FAN1: variants seen among roughly 807,000 people sequenced by gnomAD.
The protein encoded by FAN1 is FANCD2 and FANCI associated nuclease 1.
Under a neutral mutation model 104.9 loss-of-function variants are expected in FAN1, and 91 were observed. That is an observed-to-expected ratio of 0.87 (90% confidence interval 0.73 to 1.03). The LOEUF (loss-of-function observed/expected upper bound fraction) is 1.03, where lower values mean the gene tolerates loss of function less well. Ranked by LOEUF, FAN1 falls within the 50% of genes least tolerant of loss-of-function variation. FAN1 has a pLI of 0.00. For missense variants in FAN1, 1,263 were observed against 1,239.9 expected, an observed-to-expected ratio of 1.02 and a Z score of -0.28; for synonymous variants, 478 against 457.6, an observed-to-expected ratio of 1.04 and a Z score of -0.57.
intron 6 of FAN1, among the ~76,000 whole-genome samples, chr15:30,919,183 C>T (rs2062258070): frequency 6.6e-6 from 1 of 151,674 alleles, no homozygotes; most frequent in Non-Finnish European, 1.5e-5. Context: ...GAGTCTGAGA[C>T]CAGCCTGACC....
chr15:30,911,718 A>G (rs1158346712), intron 4 of FAN1: 3 of 932,818 alleles, frequency 3.2e-6, no homozygotes, highest in Non-Finnish European at 3.8e-6. Flanking sequence ...TTTCTTAAGT[A>G]TTTGATGTTA....
At chr15:30,916,968 C>T (rs1038959366) in intron 5 of FAN1, among the ~76,000 whole-genome samples, 15 of 152,178 alleles carry the variant, frequency 9.9e-5, no homozygotes, top group Admixed American at 2.6e-4. Context: ...GCGTCCCGGC[C>T]GCGAGATAGC....
In FAN1 at chr15:30,908,249, C is replaced by G. The variant is rs1310559228; in HGVS notation, c.1366C>G (p.Leu456Val). 1 of 1,604,042 alleles carries G rather than the reference C, an allele frequency of 6.2e-7. No homozygotes were observed. Among genetic ancestry groups the G allele is most frequent in the Non-Finnish European group, 8.5e-7 (1 of 1,175,992 alleles). Residue 456 changes from leucine to valine, a missense_variant, in exon 3 of 15, where the codon CTA becomes GTA. By Grantham distance (32) the Leu-to-Val change is conservative. Transcript: ENST00000362065. ...VIEELTNAGF[L>V]QTESELQELS... ...TGAAGAATTGACGAATGCAGGCTTTCTACAGACAGGTATGACTAGTAGAAG... is the reference window on the plus strand; with the variant it reads ...TGAAGAATTGACGAATGCAGGCTTTGTACAGACAGGTATGACTAGTAGAAG...
In FAN1 at chr15:30,929,392, G is replaced by C. The variant is rs146866923; in HGVS notation, c.2782G>C (p.Ala928Pro). ...GGATCGCTTCACGTCTCTTCAGCAAGCTCAGGTAATGGTTCACCTGCATGG... is the reference window on the plus strand; with the variant it reads ...GGATCGCTTCACGTCTCTTCAGCAACCTCAGGTAATGGTTCACCTGCATGG... ...SWDRFTSLQQ[A>P]QDLVSCLGGP... Residue 928 changes from alanine to proline, a missense_variant, in exon 12 of 15, where the codon GCT becomes CCT. Physicochemically the swap from Ala to Pro is conservative, Grantham distance 27. Coordinates refer to ENST00000362065, the MANE Select transcript of FAN1 (RefSeq NM_014967.5). 1.2e-5 allele frequency: 20 copies of C among 1,602,386 alleles called. No individual in the cohort carries two copies. The highest frequency in any genetic ancestry group is 1.7e-5 in the Non-Finnish European group (20 of 1,173,638).
chr15:30,914,839 A>G (rs1351336293), intron 5 of FAN1, among the ~76,000 whole-genome samples: 1 of 152,218 alleles, frequency 6.6e-6, no homozygotes, highest in Non-Finnish European at 1.5e-5. Context: ...GATAAATTAG[A>G]AATTTTCACT....
chr15:30,923,690 C>T (rs1198781083), intron 8 of FAN1, among the ~76,000 whole-genome samples: 2 of 152,234 alleles, frequency 1.3e-5, no homozygotes, highest in Non-Finnish European at 2.9e-5. Context: ...CTGCCCGGCA[C>T]CGTCTTCTGC....
intron 14 of FAN1, chr15:30,940,509 G>GT (rs2063008106): frequency 1.0e-6 from 1 of 985,440 alleles, no homozygotes; most frequent in African/African-American, 1.7e-5. Flanking sequence ...CCAGGGGGAA[G>GT]TGCCAGCAAT....
chr15:30,922,258 C>T lies in FAN1; in HGVS notation c.2076C>T (p.Ser692=), dbSNP rs767828764. 1.2e-6 allele frequency: 2 copies of T among 1,612,156 alleles called. No individual in the cohort carries two copies. The highest frequency in any genetic ancestry group is 2.7e-5 in the African/African-American group (2 of 74,876). ...MYEEAVRELE[S]LLSQRIYCPD... is the part of the protein sequence containing the mutation. ...AGGAAGCCGTCAGAGAACTTGAAAGCCTTTTGTCTCAGAGAATTTATTGTC... is the reference window on the plus strand; with the variant it reads ...AGGAAGCCGTCAGAGAACTTGAAAGTCTTTTGTCTCAGAGAATTTATTGTC... The change falls in exon 8 of 15, where the codon AGC becomes AGT. Residue 692 remains serine, a synonymous_variant. Transcript: ENST00000362065.
rs1158506055 is a variant in FAN1, at chr15:30,903,918, C to T, written c.-246C>T. The stretch of plus-strand genomic sequence containing the variant: ...AGGTGCGAGGTGGCCGCGCGGGGAT[C>T]TTGGGTGACAGGGCACCGAGGGAAG... On this transcript the variant is annotated 5_prime_UTR_variant, in exon 1 of 15. Transcript: ENST00000362065. The T allele has an allele frequency of 3.3e-5, 5 of 152,588 alleles. No individual in the cohort carries two copies. Among genetic ancestry groups the T allele is most frequent in the East Asian group, 3.9e-4 (2 of 5,194 alleles). 9.5% of individuals were successfully genotyped at this position (152,588 alleles called of 1,614,324 possible).
rs755524503 is a variant in FAN1 at position 30,930,614 on chromosome 15, C to CT, written c.2860dup (p.Cys954LeufsTer19). On this transcript the variant is annotated frameshift_variant, in exon 13 of 15. Coordinates refer to ENST00000362065, the MANE Select transcript of FAN1 (RefSeq NM_014967.5). LOFTEE classifies it high-confidence loss of function. ...GGCACCTGGCTGCTGACTTTCGACACTGTCGAGGGGGCCTCCCCGACCTGG... is the reference window on the plus strand; with the variant it reads ...GGCACCTGGCTGCTGACTTTCGACACTTGTCGAGGGGGCCTCCCCGACCTGG... 2 of 1,612,942 alleles carry CT rather than the reference C, an allele frequency of 1.2e-6. No homozygotes were observed. Among genetic ancestry groups the CT allele is most frequent in the Non-Finnish European group, 1.7e-6 (2 of 1,179,556 alleles).
At chr15:30,908,412 T>C (rs919084163) in intron 3 of FAN1, among the ~76,000 whole-genome samples, 154 bp downstream of exon 3, 1 of 152,198 alleles carries the variant, frequency 6.6e-6, no homozygotes, top group Non-Finnish European at 1.5e-5. Context: ...GACAACAAAT[T>C]ACTCATGTGA....
chr15:30,926,623 T>C (rs2062470193), intron 10 of FAN1: 1 of 985,326 alleles, frequency 1.0e-6, no homozygotes. Context: ...GGTGATGTTA[T>C]TGGGGAAGAC....
chr15:30,908,638 G>A (rs530378449), intron 3 of FAN1, among the ~76,000 whole-genome samples: 1 of 152,140 alleles, frequency 6.6e-6, no homozygotes, highest in Non-Finnish European at 1.5e-5. Context: ...CTGAGGTTGG[G>A]GGTTCGAGAC....
At chr15:30,920,741 C>T in intron 7 of FAN1, 88 bp downstream of exon 7, 1 of 759,632 alleles carries the variant, frequency 1.3e-6, no homozygotes, top group Non-Finnish European at 2.2e-6. Flanking sequence ...TCAGCATTTC[C>T]TGCTTATTTG....
At position 30,941,730 on chromosome 15, in the gene FAN1, G is replaced by T; in HGVS notation, c.*168G>T. On this transcript the variant is annotated 3_prime_UTR_variant, in exon 15 of 15. Coordinates refer to ENST00000362065, the MANE Select transcript of FAN1 (RefSeq NM_014967.5). ...CGCTGTTGCCGCAGCATCCTGCTCA[G>T]TACGTCGACTTCATCAGCCAGGAGG... is the stretch of plus-strand genomic sequence containing the variant. The T allele has an allele frequency of 6.2e-7, 1 of 1,613,962 alleles. No homozygotes were observed. Among genetic ancestry groups the T allele is most frequent in the East Asian group, 2.2e-5 (1 of 44,884 alleles).
At chr15:30,922,948 G>A (rs574555254) in intron 8 of FAN1, among the ~76,000 whole-genome samples, 18 of 152,360 alleles carry the variant, frequency 1.2e-4, no homozygotes, top group Non-Finnish European at 2.4e-4. Context: ...CCAGGCGGGT[G>A]AGGCCGCAGA....
chr15:30,927,731 T>G (rs540833810), intron 10 of FAN1: 109 of 985,604 alleles, frequency 1.1e-4, no homozygotes, highest in Non-Finnish European at 1.2e-4. Context: ...CCATGTGGCC[T>G]CCTCCTCTGT....
chr15:30,941,656 C>T lies in FAN1; in HGVS notation c.*94C>T, dbSNP rs1286356774. ...GGTGAGGGCCGCTGGCGTTGAAGTA[C>T]ATCCTGCTCTGGCCCAGCTCCCCAT... On this transcript the variant is annotated 3_prime_UTR_variant, in exon 15 of 15. Coordinates refer to ENST00000362065, the MANE Select transcript of FAN1 (RefSeq NM_014967.5). 5 of 1,612,458 alleles carry T rather than the reference C, an allele frequency of 3.1e-6. No homozygotes were observed. The highest frequency in any genetic ancestry group is 3.4e-6 in the Non-Finnish European group (4 of 1,179,200).
Position 30,942,158 on chromosome 15 carries a change from A to T in FAN1, c.*596A>T. ...CAATGGCAAATATAAACTCAATACT[A>T]TGAAAAATTAATGGAATTTCAGCCT... On this transcript the variant is annotated 3_prime_UTR_variant, in exon 15 of 15. Coordinates refer to ENST00000362065, the MANE Select transcript of FAN1 (RefSeq NM_014967.5). The T allele has an allele frequency of 7.0e-7, 1 of 1,422,276 alleles. No individual in the cohort carries two copies. The highest frequency in any genetic ancestry group is 9.5e-7 in the Non-Finnish European group (1 of 1,054,484). 88.1% of individuals were successfully genotyped at this position (1,422,276 alleles called of 1,614,324 possible).
Sources: allele counts gnomAD v4.1 joint callset (sites outside exome capture counted in the v4.1 genomes callset), GRCh38; gene constraint gnomAD v4.1.1; transcripts MANE v1.5; gene names NCBI Gene and HGNC (gene_info 2026-07-23, HGNC 2026-07-21).